The following GLE1 variants were observed in gnomAD, a reference collection of about 807,000 sequenced individuals.
GLE1 encodes the protein mRNA export factor GLE1.
GLE1 carries 78 observed loss-of-function variants against 97.3 expected under a neutral mutation model. That is an observed-to-expected ratio of 0.80 (90% CI 0.67 to 0.97). GLE1 has a LOEUF of 0.97. Among genes scored for constraint, GLE1 ranks in the 50% least tolerant of loss-of-function variants. The pLI is 0.00. For missense variants in GLE1, 753 were observed against 857.5 expected, an observed-to-expected ratio of 0.88 and a Z score of 1.52; for synonymous variants, 302 against 313.4, an observed-to-expected ratio of 0.96 and a Z score of 0.39.
chr9:128,509,191 A>G, intron 2 of GLE1, 94 bp downstream of exon 2: 2 of 787,952 alleles, frequency 2.5e-6, no homozygotes, highest in East Asian at 2.5e-5. Flanking sequence ...CCCTAGGGGA[A>G]ATAATGATTG....
intron 15 of GLE1, chr9:128,540,816 C>T: frequency 2.2e-6 from 1 of 459,898 alleles, no homozygotes; most frequent in Non-Finnish European, 4.0e-6. Flanking sequence ...GACTTTTCAG[C>T]TTCTCAAAGC....
chr9:128,539,502 T>C (rs181334926), intron 13 of GLE1, 114 bp from the exon 14 acceptor site: 2 of 827,210 alleles, frequency 2.4e-6, no homozygotes, highest in East Asian at 2.5e-5. Flanking sequence ...AGTGGCATTG[T>C]GGTTGAAATT....
At chr9:128,522,936 TA>T in intron 4 of GLE1, 120 bp downstream of exon 4, 1 of 1,174,230 alleles carries the variant, frequency 8.5e-7, no homozygotes, top group South Asian at 1.3e-5. Context: ...CAAGGTAAAA[TA>T]GGCAGAGAAT....
chr9:128,514,351 A>AT (rs1564144809), intron 2 of GLE1, among the ~76,000 whole-genome samples: 1 of 151,860 alleles, frequency 6.6e-6, no homozygotes, highest in Non-Finnish European at 1.5e-5. Flanking sequence ...AAAAAAAAAA[A>AT]AAAAAAAACT....
chr9:128,529,741 G>T (rs1847426304), intron 9 of GLE1, among the ~76,000 whole-genome samples: 1 of 147,084 alleles, frequency 6.8e-6, no homozygotes, highest in African/African-American at 2.5e-5. Flanking sequence ...GGGTTTCTTA[G>T]TCTTCTACCC....
chr9:128,525,280 T>G lies in GLE1; in HGVS notation c.986T>G (p.Ile329Ser). Residue 329 changes from isoleucine to serine, a missense_variant, in exon 7 of 16, where the codon ATC (isoleucine) becomes AGC (serine). Coordinates refer to ENST00000309971, the MANE Select transcript of GLE1 (RefSeq NM_001003722.2). ...CTCCTGATGAACTTGGGGCAGGAGATCACCAGAGCCTGCGAAGACAAGAGG... is the reference window on the plus strand; with the variant it reads ...CTCCTGATGAACTTGGGGCAGGAGAGCACCAGAGCCTGCGAAGACAAGAGG... The part of the protein sequence containing the change: ...RDLLMNLGQE[I>S]TRACEDKRRQ... 6.2e-7 allele frequency: 1 copy of G among 1,613,914 alleles called. No homozygotes were observed. Among genetic ancestry groups the G allele is most frequent in the Non-Finnish European group, 8.5e-7 (1 of 1,179,984 alleles).
intron 6 of GLE1, 70 bp from the exon 7 acceptor site, chr9:128,525,122 T>G: frequency 5.4e-6 from 6 of 1,112,540 alleles, no homozygotes; most frequent in Non-Finnish European, 8.3e-6. Context: ...TGCAGGAAAT[T>G]TATTGACTTG....
rs779826538 is a variant in GLE1, at chr9:128,523,680, G to A, written c.731G>A (p.Arg244His). 2.5e-6 allele frequency: 4 copies of A among 1,613,924 alleles called. No individual in the cohort carries two copies. Among genetic ancestry groups the A allele is most frequent in the Non-Finnish European group, 3.4e-6 (4 of 1,179,964 alleles). The change falls in exon 6 of 16, where the codon CGC becomes CAC. Residue 244 changes from arginine to histidine, a missense_variant. Arg to His is a conservative substitution (Grantham distance 29). Transcript: ENST00000309971. Reference sequence around the variant, plus strand: ...CTTCGGAAGGAAGAAGGCCAGATCCGCCTGCGGGCCCTCTATGCTCTGCAG... The same window carrying A: ...CTTCGGAAGGAAGAAGGCCAGATCCACCTGCGGGCCCTCTATGCTCTGCAG... ...ERLRKEEGQI[R>H]LRALYALQEE...
intron 14 of GLE1, 135 bp downstream of exon 14, chr9:128,539,833 C>T: frequency 1.3e-6 from 2 of 1,552,886 alleles, no homozygotes; most frequent in East Asian, 2.4e-5. Context: ...CTTTCCTACT[C>T]CAGTCCCTCT....
At chr9:128,516,134 A>G (rs955046755) in intron 3 of GLE1, among the ~76,000 whole-genome samples, 1 of 150,312 alleles carries the variant, frequency 6.7e-6, no homozygotes, top group Non-Finnish European at 1.5e-5. Flanking sequence ...TTTATTTTCT[A>G]TTTACTAGAG....
intron 6 of GLE1, among the ~76,000 whole-genome samples, chr9:128,524,485 G>A (rs1212301327): frequency 6.7e-6 from 1 of 148,976 alleles, no homozygotes; most frequent in Non-Finnish European, 1.5e-5. Flanking sequence ...TTAGCCTCCC[G>A]AAGTATTGGG....
At chr9:128,516,781 C>G (rs375858907) in intron 3 of GLE1, among the ~76,000 whole-genome samples, 3 of 151,860 alleles carry the variant, frequency 2.0e-5, no homozygotes, top group Non-Finnish European at 4.4e-5. Flanking sequence ...CCTGCCACCA[C>G]GCCTGGCTAA....
rs185860533 is a variant in GLE1, at chr9:128,532,421, T to C, written c.1313-1092T>C. Reference sequence around the variant, plus strand: ...TTGCATTTTTAGTAGAGACGAGGTATCACCATGTTGGTCAGGCTGGTCTCG... The same window carrying C: ...TTGCATTTTTAGTAGAGACGAGGTACCACCATGTTGGTCAGGCTGGTCTCG... On this transcript the variant is annotated intron_variant, in intron 9 of 15. Coordinates refer to ENST00000309971, the MANE Select transcript of GLE1 (RefSeq NM_001003722.2). Among the ~76,000 whole-genome samples the C allele has an allele frequency of 8.6e-3, 1,302 of 151,724 alleles. 10 individuals carry two copies. Among genetic ancestry groups the C allele is most frequent in the Middle Eastern group, 0.017 (5 of 294 alleles).
intron 6 of GLE1, 42 bp downstream of exon 6, chr9:128,523,888 G>A: frequency 6.2e-7 from 1 of 1,608,958 alleles, no homozygotes; most frequent in Non-Finnish European, 8.5e-7. Flanking sequence ...TCTTTGAAAT[G>A]GAAGCCTTTA....
intron 9 of GLE1, among the ~76,000 whole-genome samples, chr9:128,532,499 A>G (rs1376050681): frequency 6.6e-6 from 1 of 151,474 alleles, no homozygotes; most frequent in Non-Finnish European, 1.5e-5. Flanking sequence ...GTGCTGGCCC[A>G]GATCTGCTTA....
At chr9:128,510,830 G>GTT (rs370393212) in intron 2 of GLE1, among the ~76,000 whole-genome samples, 33 of 127,464 alleles carry the variant, frequency 2.6e-4, no homozygotes, top group Middle Eastern at 4.3e-3. Flanking sequence ...TGCCTGGCCA[G>GTT]TTTTTTTTTT....
At chr9:128,517,182 G>C in intron 3 of GLE1, among the ~76,000 whole-genome samples, 1 of 151,838 alleles carries the variant, frequency 6.6e-6, no homozygotes, top group East Asian at 1.9e-4. Context: ...ACTAGTTACT[G>C]GGGAGGCTGA....
chr9:128,536,550 C>T (rs1847717036), intron 12 of GLE1, 66 bp downstream of exon 12: 3 of 1,422,722 alleles, frequency 2.1e-6, no homozygotes, highest in Non-Finnish European at 3.0e-6. Flanking sequence ...ATTCCTCCCA[C>T]AGGAAATGTT....
rs145217888 is a variant in GLE1 at position 128,534,961 on chromosome 9, C to T, written c.1646+1010C>T. ...CTCGATCTCTTGACCTTGTGATCTGCCCGCCTTGGCCTCCCAAAGTGCTGG... is the reference window on the plus strand; with the variant it reads ...CTCGATCTCTTGACCTTGTGATCTGTCCGCCTTGGCCTCCCAAAGTGCTGG... On this transcript the variant is annotated intron_variant, in intron 11 of 15. Coordinates refer to ENST00000309971, the MANE Select transcript of GLE1 (RefSeq NM_001003722.2). Among the ~76,000 whole-genome samples the T allele has an allele frequency of 3.8e-3, 578 of 151,864 alleles. 8 individuals carry two copies. The highest frequency in any genetic ancestry group is 0.027 in the Admixed American group (406 of 15,258).
Sources: gnomAD v4.1 joint callset for allele counts (sites outside exome capture counted in the v4.1 genomes callset) on GRCh38, gnomAD v4.1.1 for gene constraint, MANE v1.5 for transcripts, NCBI Gene and HGNC (gene_info 2026-07-23, HGNC 2026-07-21) for gene names.